The following SMG1 variants were observed in gnomAD, a reference collection of about 807,000 sequenced individuals.
The protein encoded by SMG1 is serine/threonine-protein kinase SMG1.
In SMG1, 22 loss-of-function variants were observed where a neutral mutation model predicts 419.9. That is an observed-to-expected ratio of 0.05 (90% CI 0.04 to 0.07). The LOEUF (loss-of-function observed/expected upper bound fraction) is 0.07. SMG1 is among the 10% of genes least tolerant of loss of function. SMG1 has a pLI of 1.00. For missense variants in SMG1, 3,185 were observed against 4,342.0 expected (o/e 0.73, Z 7.49); for synonymous variants, 1,538 against 1,553.5 (o/e 0.99, Z 0.23).
At chr16:18,818,253 C>T (rs544529444) in intron 56 of SMG1, among the ~76,000 whole-genome samples, 1 of 151,874 alleles carries the variant, frequency 6.6e-6, no homozygotes, top group Non-Finnish European at 1.5e-5. Context: ...GGCATGGTGG[C>T]GGGTGCCTGT....
intron 20 of SMG1, among the ~76,000 whole-genome samples, 182 bp downstream of exon 20, chr16:18,868,922 A>G (rs561936681): frequency 8.4e-4 from 127 of 151,322 alleles, no homozygotes; most frequent in African/African-American, 1.2e-3. Context: ...AGTTTTGGGG[A>G]AAAAAAAACA....
rs1023693065 is a variant in SMG1 at position 18,835,909 on chromosome 16, G to T, written c.8057+24C>A. The T allele has an allele frequency of 1.2e-5, 19 of 1,544,438 alleles. No homozygotes were observed. The Admixed American group carries it at 2.6e-4, about 21-fold the overall frequency. The stretch of plus-strand genomic sequence containing the variant: ...ACAAGACTCCGTCTCAAAAATAAAA[G>T]AAAATTAAGCACTATCAACTTACTT... On this transcript the variant is annotated intron_variant, in intron 48 of 62. Transcript: ENST00000446231.
intron 3 of SMG1, among the ~76,000 whole-genome samples, chr16:18,894,828 G>T (rs1233864244): frequency 1.3e-5 from 2 of 151,406 alleles, no homozygotes; most frequent in Admixed American, 6.6e-5. Context: ...TTTTGTTGTT[G>T]TTTTTTTGAG....
At chr16:18,835,833 A>C (rs553847132) in intron 48 of SMG1, 100 bp downstream of exon 48, 1 of 1,116,064 alleles carries the variant, frequency 9.0e-7, no homozygotes, top group East Asian at 2.6e-5. Flanking sequence ...TCAGAGACGG[A>C]GGTTGCAGTG....
rs562645038 is a variant in SMG1 at position 18,868,822 on chromosome 16, C to A, written c.2834-103G>T. ...TTCACATTTATCAAGTATCCTCTGT[C>A]TACCCATCATTTAAAAATAAAAAAT... On this transcript the variant is annotated intron_variant, in intron 20 of 62. Transcript: ENST00000446231. The A allele has an allele frequency of 1.1e-3, 687 of 614,440 alleles. 1 individual carries two copies. Among genetic ancestry groups the A allele is most frequent in the Non-Finnish European group, 1.1e-3 (390 of 346,984 alleles). 38.1% of individuals were successfully genotyped at this position (614,440 alleles called of 1,614,324 possible).
chr16:18,904,229 G>A (rs62047582), intron 1 of SMG1, among the ~76,000 whole-genome samples: 10,573 of 151,040 alleles, frequency 0.07, 376 homozygotes, highest in African/African-American at 0.094. Context: ...GAGCCACCGT[G>A]CCCGGCCTGT....
chr16:18,836,380 A>G lies in SMG1; in HGVS notation c.7757T>C (p.Ile2586Thr). The G allele has an allele frequency of 6.2e-7, 1 of 1,613,902 alleles. No individual in the cohort carries two copies. The highest frequency in any genetic ancestry group is 8.5e-7 in the Non-Finnish European group (1 of 1,179,828). The stretch of plus-strand genomic sequence containing the variant: ...CATACCAAGGTCCATTTGTGTGCTT[A>G]TCTCTTGAAGCAAGCTTGCAAGCTG... Reference protein sequence around the residue: ...ATQLASLLQEISTQMDLGPPS... With the variant: ...ATQLASLLQETSTQMDLGPPS... The change falls in exon 47 of 63, where the codon ATA becomes ACA. Residue 2586 changes from isoleucine (I) to threonine (T), a missense_variant. Around this residue, in one of 27 missense-constraint regions of SMG1, gnomAD observed 412 missense variants for 546.6 expected, o/e 0.75. Transcript: ENST00000446231.
At chr16:18,861,119 C>G (rs1273160234) in intron 25 of SMG1, 2 of 170,678 alleles carry the variant, frequency 1.2e-5, no homozygotes, top group Admixed American at 6.2e-5. Context: ...AACTTTGACA[C>G]CCAGTTCTCT....
In SMG1 at chr16:18,836,547, A is replaced by G. The variant is rs1210961091; in HGVS notation, c.7605-15T>C. On this transcript the variant is annotated splice_polypyrimidine_tract_variant and intron_variant, in intron 46 of 62. Coordinates refer to ENST00000446231, the MANE Select transcript of SMG1 (RefSeq NM_015092.5). The stretch of plus-strand genomic sequence containing the variant: ...GCTCAGAATACCTAATCAGGGGGAC[A>G]CAAACAAAATCAAAAGATTTATTGC... The G allele has an allele frequency of 1.7e-5, 28 of 1,611,104 alleles. No homozygotes were observed. The highest frequency in any genetic ancestry group is 2.3e-5 in the Non-Finnish European group (27 of 1,178,908).
Position 18,839,895 on chromosome 16 carries a change from T to C in SMG1, c.6748A>G (p.Ser2250Gly), listed in dbSNP as rs1260784658. Reference protein sequence around the residue: ...PQNPGIVPRPSELYYSKIGPA... With the variant: ...PQNPGIVPRPGELYYSKIGPA... ...CCAATTTTACTGTAATAAAGTTCAC[T>C]AGGACGGGGTACAATTCCAGGATTC... Residue 2250 changes from serine (S) to glycine (G), a missense_variant, in exon 42 of 63, where the codon AGT becomes GGT. Around this residue, in one of 27 missense-constraint regions of SMG1, gnomAD observed 132 missense variants for 151.0 expected, o/e 0.87. Transcript: ENST00000446231. The C allele has an allele frequency of 1.2e-6, 2 of 1,608,450 alleles. No individual in the cohort carries two copies. The highest frequency in any genetic ancestry group is 2.2e-5 in the East Asian group (1 of 44,786).
intron 1 of SMG1, among the ~76,000 whole-genome samples, chr16:18,918,195 G>A (rs1331194439): frequency 2.6e-5 from 4 of 151,962 alleles, no homozygotes; most frequent in Admixed American, 6.6e-5. Context: ...CCCGGGAGGC[G>A]GAGGTTGCAG....
intron 38 of SMG1, among the ~76,000 whole-genome samples, chr16:18,846,862 C>CA (rs1214844574): frequency 3.6e-4 from 55 of 152,222 alleles, no homozygotes; most frequent in African/African-American, 1.3e-3. Flanking sequence ...TACGATTCAG[C>CA]AAATCCACTG....
chr16:18,923,443 A>G, intron 1 of SMG1, among the ~76,000 whole-genome samples: 1 of 152,198 alleles, frequency 6.6e-6, no homozygotes, highest in Admixed American at 6.5e-5. Flanking sequence ...CAGGAGTCCA[A>G]GAACAGGCTG....
chr16:18,899,649 G>C (rs573414231), intron 1 of SMG1, among the ~76,000 whole-genome samples: 1 of 152,202 alleles, frequency 6.6e-6, no homozygotes, highest in East Asian at 1.9e-4. Flanking sequence ...TTAAAGAACG[G>C]AAATGAGCAC....
chr16:18,874,909 T>G (rs1200855472), intron 13 of SMG1, among the ~76,000 whole-genome samples: 1 of 138,490 alleles, frequency 7.2e-6, no homozygotes, highest in African/African-American at 2.7e-5. Flanking sequence ...AAGCCTTTTT[T>G]TTTTTTTTTT....
chr16:18,912,737 C>T (rs916657170), intron 1 of SMG1, among the ~76,000 whole-genome samples: 85 of 152,058 alleles, frequency 5.6e-4, no homozygotes, highest in Admixed American at 1.8e-3. Flanking sequence ...TATTAAAATC[C>T]TATCAATATT....
rs1011587688 is a variant in SMG1 at position 18,852,370 on chromosome 16, C to A, written c.4861G>T (p.Ala1621Ser). The change falls in exon 32 of 63, where the codon GCG becomes TCG. Residue 1621 changes from alanine (A) to serine (S), a missense_variant. Physicochemically the swap from Ala to Ser is moderately conservative, Grantham distance 99 (BLOSUM62 1). Transcript: ENST00000446231. ...QAPEVAKSWA[A>S]LASWAYRWGR... ...CACCTATAAGCCCAGCTGGCCAACG[C>A]TGCCCAAGATTTGGCTACTTCAGGT... 3 of 1,613,878 alleles carry A rather than the reference C, an allele frequency of 1.9e-6. No homozygotes were observed. In the African/African-American group the frequency reaches 4.0e-5, roughly 22 times the overall value.
intron 6 of SMG1, among the ~76,000 whole-genome samples, chr16:18,886,308 CAT>C (rs1396204684): frequency 6.6e-6 from 1 of 152,104 alleles, no homozygotes; most frequent in Admixed American, 6.6e-5. Context: ...TGGGACCACA[CAT>C]AAATAACATG....
intron 10 of SMG1, among the ~76,000 whole-genome samples, chr16:18,880,202 C>G (rs1227080345): frequency 6.6e-6 from 1 of 152,200 alleles, no homozygotes; most frequent in Admixed American, 6.5e-5. Context: ...GAAAGATAAG[C>G]ACTCTCATGC....
Sources: allele counts gnomAD v4.1 joint callset (sites outside exome capture counted in the v4.1 genomes callset), GRCh38; gene constraint gnomAD v4.1.1; regional missense constraint gnomAD v4.1.1; transcripts MANE v1.5; gene names NCBI Gene and HGNC (gene_info 2026-07-23, HGNC 2026-07-21).